HSDL2: variants seen among roughly 807,000 people sequenced by gnomAD.
The protein encoded by HSDL2 is hydroxysteroid dehydrogenase like 2.
A neutral mutation model predicts 46.3 loss-of-function variants in HSDL2; 27 were observed. The observed-to-expected ratio is 0.58, with a 90% CI of 0.43 to 0.80. HSDL2 has a LOEUF of 0.80. Ranked by LOEUF, HSDL2 falls within the 30% of genes least tolerant of loss-of-function variation. The pLI is 0.00. For missense variants in HSDL2, 451 were observed against 502.7 expected (o/e 0.90, Z 0.98); for synonymous variants, 153 against 163.6 (o/e 0.94, Z 0.50).
At chr9:112,434,084 CTTTTTA>C (rs1464646727) in intron 6 of HSDL2, 2 of 152,054 alleles carry the variant, frequency 1.3e-5, no homozygotes, top group African/African-American at 4.8e-5. Flanking sequence ...TAATTTTTTT[CTTTTTA>C]TAAGACCTGT....
intron 1 of HSDL2, among the ~76,000 whole-genome samples, chr9:112,395,500 A>G (rs1212497881): frequency 6.6e-6 from 1 of 152,202 alleles, no homozygotes; most frequent in Non-Finnish European, 1.5e-5. Flanking sequence ...TTTTTTGCCT[A>G]TGAATAGTGT....
chr9:112,434,506 C>T (rs554942469), intron 6 of HSDL2, among the ~76,000 whole-genome samples: 1 of 152,304 alleles, frequency 6.6e-6, no homozygotes, highest in South Asian at 2.1e-4. Context: ...CATGCCCATG[C>T]TTTATATTTG....
At chr9:112,459,198 G>A (rs1262704837) in intron 9 of HSDL2, among the ~76,000 whole-genome samples, 1 of 152,030 alleles carries the variant, frequency 6.6e-6, no homozygotes, top group African/African-American at 2.4e-5. Flanking sequence ...ATTCCTTAAT[G>A]TGCTCCCACA....
Position 112,442,763 on chromosome 9 carries a change from C to T in HSDL2, c.865+993C>T, listed in dbSNP as rs10981406. ...CTCATCGATTTTTTTTTTTAGAAGT[C>T]TGATAGAAAATGTAGGGATGAATTT... On this transcript the variant is annotated intron_variant, in intron 8 of 10. Transcript: ENST00000398805. 1.3e-3 allele frequency among the ~76,000 whole-genome samples: 195 copies of T among 151,626 alleles called. 4 individuals carry two copies. In the East Asian group the frequency reaches 0.022, roughly 17 times the overall value.
chr9:112,389,506 A>G (rs1332501247), intron 1 of HSDL2, among the ~76,000 whole-genome samples: 2 of 152,248 alleles, frequency 1.3e-5, no homozygotes, highest in African/African-American at 4.8e-5. Flanking sequence ...TGAATTATTT[A>G]CAAATAAAAA....
rs1251403205 is a variant in HSDL2, at chr9:112,388,274, A to G, written c.17+8094A>G. Reference sequence around the variant, plus strand: ...TCAGGAGTTCAAGACCAGCCTGACCAACATGGTGAAATCCCGTCTCTACTA... The same window carrying G: ...TCAGGAGTTCAAGACCAGCCTGACCGACATGGTGAAATCCCGTCTCTACTA... On this transcript the variant is annotated intron_variant, in intron 1 of 10. Coordinates refer to ENST00000398805, the MANE Select transcript of HSDL2 (RefSeq NM_032303.5). Among the ~76,000 whole-genome samples the G allele has an allele frequency of 2.0e-5, 3 of 151,516 alleles. No homozygotes were observed. The South Asian group carries it at 6.3e-4, about 32-fold the overall frequency.
intron 6 of HSDL2, among the ~76,000 whole-genome samples, chr9:112,431,429 TAGGAAGATGAA>T (rs755344766): frequency 1.6e-4 from 25 of 151,716 alleles, no homozygotes; most frequent in Non-Finnish European, 2.4e-4. Flanking sequence ...GAGAGTAAGG[TAGGAAGATGAA>T]AGGAAGATGA....
chr9:112,400,886 C>CTTT (rs1419123141), intron 1 of HSDL2, among the ~76,000 whole-genome samples: 1 of 152,188 alleles, frequency 6.6e-6, no homozygotes, highest in East Asian at 1.9e-4. Context: ...AGAAGGACAC[C>CTTT]TGTCCGATTG....
intron 9 of HSDL2, among the ~76,000 whole-genome samples, chr9:112,456,752 A>C (rs1037661620): frequency 3.3e-5 from 5 of 152,158 alleles, no homozygotes; most frequent in Non-Finnish European, 7.3e-5. Context: ...CGTCCAAAAC[A>C]ACCATTCCCA....
At chr9:112,397,221 C>A (rs1831477065) in intron 1 of HSDL2, among the ~76,000 whole-genome samples, 1 of 152,136 alleles carries the variant, frequency 6.6e-6, no homozygotes, top group African/African-American at 2.4e-5. Flanking sequence ...GATTGCCGTC[C>A]TTCATAGCCC....
At chr9:112,464,905 A>G (rs1293207365) in intron 10 of HSDL2, among the ~76,000 whole-genome samples, 2 of 152,066 alleles carry the variant, frequency 1.3e-5, no homozygotes, top group African/African-American at 2.4e-5. Flanking sequence ...ATATCCCTCA[A>G]TATCCCCACC....
chr9:112,439,530 A>T (rs1485847487), intron 7 of HSDL2, among the ~76,000 whole-genome samples: 1 of 152,234 alleles, frequency 6.6e-6, no homozygotes, highest in Admixed American at 6.5e-5. Context: ...TTTACCATAT[A>T]GAATATGATG....
chr9:112,458,365 C>T (rs1833097567), intron 9 of HSDL2, among the ~76,000 whole-genome samples: 1 of 148,472 alleles, frequency 6.7e-6, no homozygotes, highest in Non-Finnish European at 1.5e-5. Context: ...GCTCTTGTTG[C>T]CCCAAGCTGG....
chr9:112,424,481 A>G (rs933263088), intron 6 of HSDL2, among the ~76,000 whole-genome samples: 2 of 152,100 alleles, frequency 1.3e-5, no homozygotes, highest in African/African-American at 2.4e-5. Context: ...AATATAATCT[A>G]TAATAATATT....
intron 8 of HSDL2, among the ~76,000 whole-genome samples, chr9:112,448,965 A>G (rs988273036): frequency 6.6e-6 from 1 of 150,964 alleles, no homozygotes; most frequent in Admixed American, 6.7e-5. Flanking sequence ...TAGGCTTTTT[A>G]AAAAATAAAA....
At chr9:112,452,320 G>C (rs1174687505) in intron 8 of HSDL2, among the ~76,000 whole-genome samples, 2 of 152,182 alleles carry the variant, frequency 1.3e-5, no homozygotes, top group Non-Finnish European at 2.9e-5. Context: ...TGTATAATTT[G>C]AGTTGAGAAA....
At chr9:112,450,831 A>G (rs990835096) in intron 8 of HSDL2, among the ~76,000 whole-genome samples, 2 of 152,084 alleles carry the variant, frequency 1.3e-5, no homozygotes, top group Non-Finnish European at 2.9e-5. Flanking sequence ...AGCTTTATAT[A>G]TATTATGTTT....
chr9:112,392,316 T>C (rs138089988), intron 1 of HSDL2, among the ~76,000 whole-genome samples: 4,390 of 152,268 alleles, frequency 0.029, 108 homozygotes, highest in African/African-American at 0.045. Context: ...GTGCAGGTAT[T>C]GTCTTGATAA....
chr9:112,392,792 T>C (rs1330365602), intron 1 of HSDL2, among the ~76,000 whole-genome samples: 1 of 152,244 alleles, frequency 6.6e-6, no homozygotes, highest in Non-Finnish European at 1.5e-5. Context: ...AACACAATTA[T>C]CACAGTGGTC....
Sources: allele counts gnomAD v4.1 joint callset (sites outside exome capture counted in the v4.1 genomes callset), GRCh38; gene constraint gnomAD v4.1.1; transcripts MANE v1.5; gene names NCBI Gene and HGNC (gene_info 2026-07-23, HGNC 2026-07-21).